SLC44A5: variants seen among roughly 807,000 people sequenced by gnomAD.
The protein encoded by SLC44A5 is choline transporter-like protein 5.
In SLC44A5, 57 loss-of-function variants were observed where a neutral mutation model predicts 101.8. The observed-to-expected ratio is 0.56, with a 90% CI of 0.45 to 0.70. The LOEUF (loss-of-function observed/expected upper bound fraction) is 0.70. Ranked by LOEUF, SLC44A5 falls within the 30% of genes least tolerant of loss-of-function variation. The pLI, the probability that SLC44A5 is intolerant of heterozygous loss-of-function variation, is 0.00. For missense variants in SLC44A5, 737 were observed against 853.1 expected (o/e 0.86, Z 1.70); for synonymous variants, 281 against 290.9 (o/e 0.97, Z 0.35).
At chr1:75,663,248 C>T in the SLC44A5 span, among the ~76,000 whole-genome samples, 1 of 152,108 alleles carries the variant, frequency 6.6e-6, no homozygotes, top group Admixed American at 6.6e-5. Flanking sequence ...AGGTAATTAG[C>T]TCATGAGATT....
chr1:75,687,190 C>A, the SLC44A5 span, among the ~76,000 whole-genome samples: 1 of 152,194 alleles, frequency 6.6e-6, no homozygotes, highest in East Asian at 1.9e-4. Context: ...GACCTCATTA[C>A]ACACTCATTA....
intron 2 of SLC44A5, among the ~76,000 whole-genome samples, chr1:75,514,418 T>G (rs1269514800): frequency 1.3e-5 from 2 of 152,154 alleles, no homozygotes; most frequent in African/African-American, 2.4e-5. Flanking sequence ...TCATGTGAAG[T>G]ACTCAGATAC....
chr1:75,356,628 C>T (rs1397927954), intron 3 of SLC44A5, among the ~76,000 whole-genome samples: 1 of 152,022 alleles, frequency 6.6e-6, no homozygotes, highest in Non-Finnish European at 1.5e-5. Context: ...ACTAAATACA[C>T]AGTAATATAC....
At chr1:75,363,606 C>T (rs1213077024) in intron 3 of SLC44A5, among the ~76,000 whole-genome samples, 4 of 151,978 alleles carry the variant, frequency 2.6e-5, no homozygotes, top group African/African-American at 4.8e-5. Flanking sequence ...AAAATGTACA[C>T]CTTTTTGTGA....
chr1:75,647,789 A>G, the SLC44A5 span, among the ~76,000 whole-genome samples: 1 of 152,120 alleles, frequency 6.6e-6, no homozygotes, highest in Non-Finnish European at 1.5e-5. Context: ...TTGGAATGGG[A>G]GCATTTACCC....
intron 1 of SLC44A5, among the ~76,000 whole-genome samples, chr1:75,576,351 T>G (rs555011587): frequency 1.9e-4 from 29 of 151,962 alleles, no homozygotes; most frequent in African/African-American, 4.6e-4. Context: ...GTCTTGCTCT[T>G]TTGCCCAGGC....
At position 75,383,813 on chromosome 1, in the gene SLC44A5, C is replaced by T. The variant is rs548277287; in HGVS notation, c.52+12770G>A. On this transcript the variant is annotated intron_variant, in intron 3 of 23. Coordinates refer to ENST00000370859, the MANE Select transcript of SLC44A5 (RefSeq NM_001130058.2). ...GTTAAGGGCAGCCAGAGAGAAAGGTCGGGTTACCCTCAAAGGGAAGCCCAT... is the reference window on the plus strand; with the variant it reads ...GTTAAGGGCAGCCAGAGAGAAAGGTTGGGTTACCCTCAAAGGGAAGCCCAT... 7.1e-4 allele frequency among the ~76,000 whole-genome samples: 108 copies of T among 152,136 alleles called. No individual in the cohort carries two copies. In the East Asian group the frequency reaches 0.018, roughly 26 times the overall value.
At chr1:75,323,729 C>T (rs527569355) in intron 4 of SLC44A5, among the ~76,000 whole-genome samples, 93 of 152,264 alleles carry the variant, frequency 6.1e-4, no homozygotes, top group Non-Finnish European at 1.3e-3. Context: ...TCTACTTCTG[C>T]TACCTTAGGT....
chr1:75,276,431 AT>A (rs1651924238), intron 5 of SLC44A5, among the ~76,000 whole-genome samples: 1 of 152,160 alleles, frequency 6.6e-6, no homozygotes, highest in African/African-American at 2.4e-5. Flanking sequence ...TTAAAGCTTT[AT>A]TCTAAAATGC....
At chr1:75,600,770 T>C (rs1175869390) in intron 1 of SLC44A5, among the ~76,000 whole-genome samples, 1 of 152,168 alleles carries the variant, frequency 6.6e-6, no homozygotes, top group Non-Finnish European at 1.5e-5. Context: ...TGCAGATATA[T>C]AGCCTAGGAG....
At chr1:75,558,865 A>T (rs1672363032) in intron 1 of SLC44A5, among the ~76,000 whole-genome samples, 1 of 152,104 alleles carries the variant, frequency 6.6e-6, no homozygotes, top group Non-Finnish European at 1.5e-5. Flanking sequence ...AACTTATTAT[A>T]ATTATTAAAT....
At chr1:75,406,882 T>C (rs1010492384) in intron 2 of SLC44A5, among the ~76,000 whole-genome samples, 1 of 139,722 alleles carries the variant, frequency 7.2e-6, no homozygotes, top group African/African-American at 2.8e-5. Flanking sequence ...GAGAAAGAAA[T>C]AAAGGGTATT....
intron 2 of SLC44A5, among the ~76,000 whole-genome samples, chr1:75,414,733 C>A (rs1359487975): frequency 2.0e-5 from 3 of 152,046 alleles, no homozygotes; most frequent in Non-Finnish European, 4.4e-5. Flanking sequence ...GCAAAGGGAA[C>A]AGCACATGTG....
rs985185625 is a variant in SLC44A5, at chr1:75,449,620, A to G, written c.14-52999T>C. ...TAAATGGGCCTTTCAGAACTGTGAC[A>G]TATATGTTTATAGAAATCTATTTAA... On this transcript the variant is annotated intron_variant, in intron 2 of 23. Coordinates refer to ENST00000370859, the MANE Select transcript of SLC44A5 (RefSeq NM_001130058.2). Among the ~76,000 whole-genome samples the G allele has an allele frequency of 6.6e-5, 10 of 152,320 alleles. 1 individual carries two copies. In the East Asian group the frequency reaches 1.9e-3, roughly 29 times the overall value.
chr1:75,679,629 G>A, the SLC44A5 span, among the ~76,000 whole-genome samples: 1 of 151,822 alleles, frequency 6.6e-6, no homozygotes, highest in African/African-American at 2.4e-5. Flanking sequence ...ACATGGAAAG[G>A]AACAACTGGT....
chr1:75,282,179 A>C (rs1051288561), intron 5 of SLC44A5, among the ~76,000 whole-genome samples: 1 of 152,194 alleles, frequency 6.6e-6, no homozygotes, highest in African/African-American at 2.4e-5. Context: ...CGTGACCTGG[A>C]TGTGAGACAT....
chr1:75,714,564 C>T, the SLC44A5 span, among the ~76,000 whole-genome samples: 1 of 152,234 alleles, frequency 6.6e-6, no homozygotes, highest in Non-Finnish European at 1.5e-5. Context: ...AAGTCAGCAA[C>T]ATCTCTGTTT....
intron 2 of SLC44A5, among the ~76,000 whole-genome samples, chr1:75,405,460 A>C (rs1354623975): frequency 6.6e-6 from 1 of 152,210 alleles, no homozygotes; most frequent in Admixed American, 6.5e-5. Flanking sequence ...TTGGAAGTAA[A>C]TCACTCCTCA....
the SLC44A5 span, among the ~76,000 whole-genome samples, chr1:75,626,013 G>T: frequency 2.0e-5 from 3 of 152,076 alleles, no homozygotes; most frequent in Non-Finnish European, 4.4e-5. Context: ...AGTATGTTGT[G>T]GGGAAGAACA....
Sources: gnomAD v4.1 joint callset for allele counts (sites outside exome capture counted in the v4.1 genomes callset) on GRCh38, gnomAD v4.1.1 for gene constraint, MANE v1.5 for transcripts, NCBI Gene and HGNC (gene_info 2026-07-23, HGNC 2026-07-21) for gene names.